KRI1: variants seen among roughly 807,000 people sequenced by gnomAD.
KRI1 encodes protein KRI1 homolog.
Under a neutral mutation model 97.0 loss-of-function variants are expected in KRI1, and 83 were observed. That is an observed-to-expected ratio of 0.86 (90% CI 0.72 to 1.03). KRI1 has a LOEUF of 1.03. Among genes scored for constraint, KRI1 ranks in the 50% least tolerant of loss-of-function variants. The pLI is 0.00. For missense variants in KRI1, 916 were observed against 928.4 expected (o/e 0.99, Z 0.17); for synonymous variants, 371 against 363.5 (o/e 1.02, Z -0.23).
Position 10,554,210 on chromosome 19 carries a change from G to T in KRI1, c.1853C>A (p.Ala618Asp), listed in dbSNP as rs781481317. 41 of 1,613,838 alleles carry T rather than the reference G, an allele frequency of 2.5e-5. No homozygotes were observed. The Admixed American group carries it at 5.3e-4, about 21-fold the overall frequency. ...CGGCCCCATCAAGCTGCCATCAAGGGCTGGCAGCTGCCTCTGTGGGCCGGC... is the reference window on the plus strand; with the variant it reads ...CGGCCCCATCAAGCTGCCATCAAGGTCTGGCAGCTGCCTCTGTGGGCCGGC... ...DEAGPQRQLP[A>D]LDGSLMGPES... Residue 618 changes from alanine (A) to aspartate (D), a missense_variant, in exon 19 of 19, where the codon GCC becomes GAC. Coordinates refer to ENST00000312962, the MANE Select transcript of KRI1 (RefSeq NM_023008.5).
intron 8 of KRI1, 78 bp downstream of exon 8, chr19:10,560,925 G>A (rs1916672345): frequency 2.7e-6 from 3 of 1,098,256 alleles, no homozygotes; most frequent in Non-Finnish European, 4.2e-6. Context: ...CATCTTCAGA[G>A]GGTTACTTTC....
Position 10,559,943 on chromosome 19 carries a change from G to T in KRI1, c.801-7C>A, listed in dbSNP as rs769915810. On this transcript the variant is annotated splice_region_variant and splice_polypyrimidine_tract_variant and intron_variant, in intron 9 of 18. Coordinates refer to ENST00000312962, the MANE Select transcript of KRI1 (RefSeq NM_023008.5). The stretch of plus-strand genomic sequence containing the variant: ...GACTGGGGGACCGTGGACCCTGAGG[G>T]GCAAGATGTGGTGATGCCAGGGGGC... 9.3e-6 allele frequency: 15 copies of T among 1,609,214 alleles called. No homozygotes were observed. In the South Asian group the frequency reaches 1.3e-4, roughly 14 times the overall value.
At chr19:10,560,526 A>C in intron 8 of KRI1, 78 bp from the exon 9 acceptor site, 10 of 1,059,178 alleles carry the variant, frequency 9.4e-6, no homozygotes, top group South Asian at 1.5e-5. Context: ...CATGGACCTC[A>C]CAGCCAGCCT....
In KRI1 at chr19:10,553,882, T is replaced by C. The variant is rs1427550552; in HGVS notation, c.*69A>G. The C allele has an allele frequency of 8.7e-6, 11 of 1,265,720 alleles. No homozygotes were observed. The highest frequency in any genetic ancestry group is 1.2e-5 in the Non-Finnish European group (11 of 933,656). The allele number at this position is 1,265,720 out of a possible 1,614,324, so 78.4% of individuals were successfully genotyped here. ...GGATCTCTGCAGCAGATAGTACTTG[T>C]GGGTGCGAGACCTGTCCAGGGCTTG... On this transcript the variant is annotated 3_prime_UTR_variant, in exon 19 of 19. Transcript: ENST00000312962.
At position 10,559,410 on chromosome 19, in the gene KRI1, C is replaced by G. The variant is rs572532488; in HGVS notation, c.1143G>C (p.Glu381Asp). 44 of 1,614,106 alleles carry G rather than the reference C, an allele frequency of 2.7e-5. No individual in the cohort carries two copies. The highest frequency in any genetic ancestry group is 3.4e-5 in the Non-Finnish European group (40 of 1,180,026). The change falls in exon 12 of 19, where the codon GAG becomes GAC. Residue 381 changes from glutamate to aspartate, a missense_variant. By Grantham distance (45) the Glu-to-Asp change is conservative. Around this residue, in one of 3 missense-constraint regions of KRI1, gnomAD observed 672 missense variants for 667.2 expected, o/e 1.01. Transcript: ENST00000312962. ...VTGNEMLGLE[E>D]GDLEDDFDPA... Reference sequence around the variant, plus strand: ...GGTCGAAGTCGTCTTCAAGGTCCCCCTCCTCGAGGCCCAGCATCTCGTTGC... The same window carrying G: ...GGTCGAAGTCGTCTTCAAGGTCCCCGTCCTCGAGGCCCAGCATCTCGTTGC...
chr19:10,565,299 C>A, intron 2 of KRI1: 1 of 557,620 alleles, frequency 1.8e-6, no homozygotes, highest in Non-Finnish European at 3.2e-6. Flanking sequence ...TGACAAGGGG[C>A]AGGTGGGCTG....
At chr19:10,565,669 G>C (rs769903412) in intron 2 of KRI1, 48 bp downstream of exon 2, 1 of 1,527,566 alleles carries the variant, frequency 6.5e-7, no homozygotes, top group African/African-American at 1.4e-5. Flanking sequence ...GGGTGCAGAG[G>C]GGGGCTTGGA....
intron 16 of KRI1, among the ~76,000 whole-genome samples, 164 bp downstream of exon 16, chr19:10,557,377 GATTACAGGCAT>G (rs1916533340): frequency 6.6e-6 from 1 of 152,066 alleles, no homozygotes; most frequent in Non-Finnish European, 1.5e-5. Flanking sequence ...AAAGTGCTGC[GATTACAGGCAT>G]GAGCCACTGC....
Position 10,561,663 on chromosome 19 carries a change from TCAC to T in KRI1, c.488+1_488+3del. ...TTGGGCCATTCCCGCCCACCCAGCC[TCAC>T]CTTTCCTTGAGCTGTTTCTGTTCCT... On this transcript the variant is annotated splice_donor_variant and splice_donor_region_variant and intron_variant, in intron 6 of 18. Transcript: ENST00000312962. LOFTEE classifies it high-confidence loss of function. 6.2e-7 allele frequency: 1 copy of T among 1,613,376 alleles called. No homozygotes were observed. The highest frequency in any genetic ancestry group is 8.5e-7 in the Non-Finnish European group (1 of 1,179,512).
chr19:10,557,462 G>GCAACAGAT lies in KRI1; in HGVS notation c.1617+89_1617+90insATCTGTTG, dbSNP rs1023363095. 61 of 1,384,722 alleles carry GCAACAGAT rather than the reference G, an allele frequency of 4.4e-5. No homozygotes were observed. In the Admixed American group the frequency reaches 8.9e-4, roughly 20 times the overall value. The allele number at this position is 1,384,722 out of a possible 1,614,324, so 85.8% of individuals were successfully genotyped here. A position where few individuals can be genotyped will look rare whatever the true frequency, so the allele number is the denominator to read the frequency against. Reference sequence around the variant, plus strand: ...GCCTGCCATGTTGTGGCATTTCTGAGCAACAGAGATTGGGACTCAGGGCCA... The same window carrying GCAACAGAT: ...GCCTGCCATGTTGTGGCATTTCTGAGCAACAGATCAACAGAGATTGGGACTCAGGGCCA... On this transcript the variant is annotated intron_variant, in intron 16 of 18. Transcript: ENST00000312962.
intron 2 of KRI1, chr19:10,565,424 T>C: frequency 2.0e-6 from 1 of 498,092 alleles, no homozygotes; most frequent in South Asian, 2.6e-5. Context: ...CACTAAAAAA[T>C]GGCTAGACTC....
chr19:10,562,968 A>G (rs1916745290), intron 3 of KRI1, 131 bp from the exon 4 acceptor site: 2 of 654,736 alleles, frequency 3.1e-6, no homozygotes, highest in Admixed American at 4.9e-5. Context: ...CAGCTGTCCA[A>G]GAGTATTGTG....
At chr19:10,565,440 G>T (rs976903732) in intron 2 of KRI1, 2 of 541,626 alleles carry the variant, frequency 3.7e-6, no homozygotes, top group Non-Finnish European at 6.4e-6. Flanking sequence ...GACTCTTGAG[G>T]ATGAAAGAGG....
rs375800784 is a variant in KRI1 at position 10,560,261 on chromosome 19, C to T, written c.800+51G>A. 5.5e-5 allele frequency: 85 copies of T among 1,537,570 alleles called. No individual in the cohort carries two copies. The East Asian group carries it at 1.8e-3, about 33-fold the overall frequency. ...TCCTGGCCAGTGCCGCCTGGGAATA[C>T]TTCATGAAGCGCACCCAAAATCTAG... is the stretch of plus-strand genomic sequence containing the variant. On this transcript the variant is annotated intron_variant, in intron 9 of 18. Coordinates refer to ENST00000312962, the MANE Select transcript of KRI1 (RefSeq NM_023008.5).
At chr19:10,565,885 G>A (rs1199944850) in intron 1 of KRI1, 21 bp downstream of exon 1, 4 of 1,531,074 alleles carry the variant, frequency 2.6e-6, no homozygotes, top group South Asian at 1.2e-5. Context: ...AGGCTCCCGC[G>A]CGCATGCGCC....
In KRI1 at chr19:10,562,836, TGCTGTTAA is replaced by T; in HGVS notation, c.275-7_275del. ...GGTCCTCCTCACTGTCTGATGACGA[TGCTGTTAA>T]CCCACCAAAGACACCTGCCATCACC... On this transcript the variant is annotated splice_acceptor_variant and splice_polypyrimidine_tract_variant and coding_sequence_variant and intron_variant, in exon 4 of 19. Coordinates refer to ENST00000312962, the MANE Select transcript of KRI1 (RefSeq NM_023008.5). LOFTEE classifies it high-confidence loss of function. 1 of 1,600,392 alleles carries T rather than the reference TGCTGTTAA, an allele frequency of 6.2e-7. No homozygotes were observed. Among genetic ancestry groups the T allele is most frequent in the Non-Finnish European group, 8.6e-7 (1 of 1,167,554 alleles).
At chr19:10,556,214 A>G (rs1200257648) in intron 16 of KRI1, among the ~76,000 whole-genome samples, 1 of 152,080 alleles carries the variant, frequency 6.6e-6, no homozygotes, top group Admixed American at 6.6e-5. Flanking sequence ...CTAGGACTAG[A>G]TCTCCCTATG....
intron 16 of KRI1, among the ~76,000 whole-genome samples, 176 bp downstream of exon 16, chr19:10,557,375 GC>G (rs1916533143): frequency 6.6e-6 from 1 of 152,086 alleles, no homozygotes; most frequent in Non-Finnish European, 1.5e-5. Flanking sequence ...CCAAAGTGCT[GC>G]GATTACAGGC....
At chr19:10,555,478 A>G in intron 16 of KRI1, 129 bp from the exon 17 acceptor site, 2 of 941,446 alleles carry the variant, frequency 2.1e-6, no homozygotes, top group Non-Finnish European at 3.4e-6. Flanking sequence ...TGATGGCCAG[A>G]GACAGCTGAT....
Sources: allele counts gnomAD v4.1 joint callset (sites outside exome capture counted in the v4.1 genomes callset), GRCh38; gene constraint gnomAD v4.1.1; regional missense constraint gnomAD v4.1.1; transcripts MANE v1.5; gene names NCBI Gene and HGNC (gene_info 2026-07-23, HGNC 2026-07-21).